Variants in HELQ observed in about 807,000 individuals in gnomAD.
HELQ encodes the protein helicase, POLQ like, also known as helicase POLQ-like.
A neutral mutation model predicts 111.6 loss-of-function variants in HELQ; 77 were observed. That is an observed-to-expected ratio of 0.69 (90% CI 0.57 to 0.83). The LOEUF (loss-of-function observed/expected upper bound fraction) is 0.83. Ranked by LOEUF, HELQ falls within the 40% of genes least tolerant of loss-of-function variation. The pLI is 0.00. For missense variants in HELQ, 1,200 were observed against 1,288.5 expected, an observed-to-expected ratio of 0.93 and a Z score of 1.05; for synonymous variants, 438 against 454.7, an observed-to-expected ratio of 0.96 and a Z score of 0.47.
At chr4:83,437,740 C>T (rs1234719267) in intron 8 of HELQ, among the ~76,000 whole-genome samples, 1 of 151,912 alleles carries the variant, frequency 6.6e-6, no homozygotes, top group African/African-American at 2.4e-5. Flanking sequence ...CAGGTTTAGA[C>T]CTTTGCTCTG....
At chr4:83,436,837 C>A (rs1253040566) in intron 9 of HELQ, 21 bp downstream of exon 9, 3 of 1,599,750 alleles carry the variant, frequency 1.9e-6, no homozygotes, top group Admixed American at 3.5e-5. Flanking sequence ...TGAGCCTGGT[C>A]AACACTTACT....
At chr4:83,432,328 A>T in intron 9 of HELQ, 61 bp from the exon 10 acceptor site, 1 of 1,227,290 alleles carries the variant, frequency 8.1e-7, no homozygotes, top group East Asian at 2.7e-5. Context: ...AAAATTCTTA[A>T]TTTCATTATA....
intron 4 of HELQ, 32 bp from the exon 5 acceptor site, chr4:83,446,118 G>A (rs774981821): frequency 1.1e-5 from 16 of 1,495,884 alleles, no homozygotes; most frequent in Non-Finnish European, 1.5e-5. Context: ...GGACAGAGAA[G>A]TAAATCTTCA....
chr4:83,431,553 T>C, intron 11 of HELQ, 111 bp downstream of exon 11: 5 of 389,700 alleles, frequency 1.3e-5, no homozygotes, highest in Non-Finnish European at 2.3e-5. Context: ...AATTATTAAA[T>C]AAAAAATTAG....
chr4:83,431,402 C>T (rs1381815076), intron 11 of HELQ, among the ~76,000 whole-genome samples: 1 of 152,014 alleles, frequency 6.6e-6, no homozygotes, highest in Non-Finnish European at 1.5e-5. Context: ...AAACGATCCT[C>T]CTGTCTCAGC....
Position 83,453,720 on chromosome 4 carries a change from C to T in HELQ, c.523G>A (p.Glu175Lys), listed in dbSNP as rs765554777. The T allele has an allele frequency of 6.2e-6, 10 of 1,614,016 alleles. No homozygotes were observed. The African/African-American group carries it at 1.3e-4, about 22-fold the overall frequency. ...LTELQTDKHT[E>K]NQSGYEGVTI... ...ACACCTTCATATCCACTCTGGTTCT[C>T]TGTGTGCTTATCAGTTTGTAATTCA... is the stretch of plus-strand genomic sequence containing the variant. The change falls in exon 2 of 18, where the codon GAG becomes AAG. Residue 175 changes from glutamate (E) to lysine (K), a missense_variant. Glu to Lys is a moderately conservative substitution (Grantham distance 56). Coordinates refer to ENST00000295488, the MANE Select transcript of HELQ (RefSeq NM_133636.5).
chr4:83,451,627 T>C (rs555412262), intron 2 of HELQ, among the ~76,000 whole-genome samples: 1 of 151,198 alleles, frequency 6.6e-6, no homozygotes, highest in Non-Finnish European at 1.5e-5. Context: ...GATGCGCCAC[T>C]GCACTCCAGC....
chr4:83,411,487 G>T (rs1228403437), intron 17 of HELQ, among the ~76,000 whole-genome samples: 1 of 150,816 alleles, frequency 6.6e-6, no homozygotes, highest in Non-Finnish European at 1.5e-5. Flanking sequence ...GCCTGTGGTC[G>T]CAGTTACTTG....
In HELQ at chr4:83,431,684, GA is replaced by G; in HGVS notation, c.2274del (p.Leu759SerfsTer3). Reference sequence around the variant, plus strand: ...AATACCTTCAAACCAATCAAAGAGAGAAATAATGTTTGGATTCCCTTGGTGA... The same window carrying G: ...AATACCTTCAAACCAATCAAAGAGAGAATAATGTTTGGATTCCCTTGGTGA... ...QEFTKGIQTLFLSLIGLKIAT... is the reference protein window; with the variant it reads ...QEFTKGIQTLXLSLIGLKIAT... On this transcript the variant is annotated frameshift_variant, in exon 11 of 18. Transcript: ENST00000295488. LOFTEE classifies it high-confidence loss of function. 1 of 1,548,658 alleles carries G rather than the reference GA, an allele frequency of 6.5e-7. No individual in the cohort carries two copies.
In HELQ at chr4:83,439,964, T is replaced by C; in HGVS notation, c.1707A>G (p.Ala569=). ...AATTGGGAATAACTTCTGTCACCAATGCTACCAAGTGATCAGGATCCATCT... is the reference window on the plus strand; with the variant it reads ...AATTGGGAATAACTTCTGTCACCAACGCTACCAAGTGATCAGGATCCATCT... ...LKKMDPDHLV[A]LVTEVIPNYS... is the part of the protein sequence containing the mutation. Residue 569 remains alanine, a synonymous_variant, in exon 8 of 18, where the codon GCA becomes GCG. Transcript: ENST00000295488. 1 of 1,612,050 alleles carries C rather than the reference T, an allele frequency of 6.2e-7. No homozygotes were observed. The highest frequency in any genetic ancestry group is 8.5e-7 in the Non-Finnish European group (1 of 1,178,522).
At chr4:83,424,567 AT>A (rs1177037543) in intron 14 of HELQ, among the ~76,000 whole-genome samples, 4 of 150,796 alleles carry the variant, frequency 2.7e-5, no homozygotes, top group Non-Finnish European at 5.9e-5. Flanking sequence ...GGCTCATGGA[AT>A]TTTTTTTTGA....
At chr4:83,443,165 G>A (rs1272845913) in intron 6 of HELQ, among the ~76,000 whole-genome samples, 1 of 151,726 alleles carries the variant, frequency 6.6e-6, no homozygotes, top group Admixed American at 6.6e-5. Context: ...TTTTTAATGT[G>A]CCAATAACTC....
chr4:83,446,171 G>C (rs1370197946), intron 4 of HELQ, 85 bp from the exon 5 acceptor site: 7 of 936,498 alleles, frequency 7.5e-6, no homozygotes, highest in Non-Finnish European at 1.2e-5. Flanking sequence ...TATGAAATTT[G>C]TTTGTAAAGA....
chr4:83,411,349 C>G (rs1207806567), intron 17 of HELQ, among the ~76,000 whole-genome samples: 1 of 151,312 alleles, frequency 6.6e-6, no homozygotes, highest in Non-Finnish European at 1.5e-5. Context: ...TGGTGGCTCA[C>G]TCGTAATCCC....
intron 2 of HELQ, among the ~76,000 whole-genome samples, chr4:83,451,080 A>G (rs1247483523): frequency 6.6e-6 from 1 of 152,220 alleles, no homozygotes; most frequent in Admixed American, 6.5e-5. Context: ...TAGCACATGC[A>G]TTTATGCTTT....
Position 83,421,718 on chromosome 4 carries a change from C to G in HELQ, c.2794G>C (p.Val932Leu). The change falls in exon 15 of 18, where the codon GTC becomes CTC. Residue 932 changes from valine to leucine, a missense_variant. Coordinates refer to ENST00000295488, the MANE Select transcript of HELQ (RefSeq NM_133636.5). ...ACAAAAGACAGATATAGCCTGTTGA[C>G]AACGTTCTTGTCCACCTTCTAGAAA... ...AIGKKVDKNV[V>L]NRLYLSFVLY... 1 of 1,613,208 alleles carries G rather than the reference C, an allele frequency of 6.2e-7. No individual in the cohort carries two copies. Among genetic ancestry groups the G allele is most frequent in the African/African-American group, 1.3e-5 (1 of 75,008 alleles).
chr4:83,443,271 A>G (rs1464875025), intron 6 of HELQ, among the ~76,000 whole-genome samples: 1 of 152,214 alleles, frequency 6.6e-6, no homozygotes, highest in Non-Finnish European at 1.5e-5. Flanking sequence ...AACTCATTCA[A>G]TGAACGTTCA....
Position 83,436,885 on chromosome 4 carries a change from G to A in HELQ, c.2021C>T (p.Ala674Val), listed in dbSNP as rs771683901. Residue 674 changes from alanine (A) to valine (V), a missense_variant, in exon 9 of 18, where the codon GCG becomes GTG. Transcript: ENST00000295488. ...TCGAGCTGGTAGGTTGACACCTGCCGCTAGGGTAGATGTGCAGGTAAAAAG... is the reference window on the plus strand; with the variant it reads ...TCGAGCTGGTAGGTTGACACCTGCCACTAGGGTAGATGTGCAGGTAAAAAG... ...LCLFTCTSTL[A>V]AGVNLPARRV... 16 of 1,613,834 alleles carry A rather than the reference G, an allele frequency of 9.9e-6. No individual in the cohort carries two copies. The South Asian group carries it at 1.4e-4, about 14-fold the overall frequency.
At chr4:83,426,583 T>TG (rs398107585) in intron 13 of HELQ, among the ~76,000 whole-genome samples, 2 of 151,670 alleles carry the variant, frequency 1.3e-5, no homozygotes, top group African/African-American at 4.8e-5. Context: ...TTTTTTTTTT[T>TG]GAGACAGTCT....
Sources: allele counts gnomAD v4.1 joint callset (sites outside exome capture counted in the v4.1 genomes callset), GRCh38; gene constraint gnomAD v4.1.1; transcripts MANE v1.5; gene names NCBI Gene and HGNC (gene_info 2026-07-23, HGNC 2026-07-21).